SORD: variants seen among roughly 807,000 people sequenced by gnomAD.
SORD encodes sorbitol dehydrogenase, also known as (R,R)-butanediol dehydrogenase.
Under a neutral mutation model 35.6 loss-of-function variants are expected in SORD, and 18 were observed. The observed-to-expected ratio is 0.51, with a 90% confidence interval of 0.35 to 0.75. The LOEUF is 0.75. SORD is among the 30% of genes least tolerant of loss of function. The pLI is 0.01. For missense variants in SORD, 250 were observed against 390.2 expected (o/e 0.64, Z 3.03); for synonymous variants, 106 against 152.9 (o/e 0.69, Z 2.26).
chr15:45,038,994 G>A (rs1892920184), intron 1 of SORD, among the ~76,000 whole-genome samples: 1 of 152,130 alleles, frequency 6.6e-6, no homozygotes, highest in South Asian at 2.1e-4. Context: ...TCCACTCTCT[G>A]GTAGCATGAC....
At chr15:45,041,620 T>G (rs556141247) in intron 2 of SORD, 1 of 152,180 alleles carries the variant, frequency 6.6e-6, no homozygotes, top group African/African-American at 2.4e-5. Context: ...TATTGTATAG[T>G]TAGGGTTCAA....
intron 3 of SORD, among the ~76,000 whole-genome samples, chr15:45,054,113 A>C (rs1405878646): frequency 2.0e-5 from 3 of 151,894 alleles, no homozygotes. Flanking sequence ...ATACGTGTGC[A>C]TGTCTCTTTA....
At chr15:45,048,510 A>G (rs1242433377) in intron 3 of SORD, among the ~76,000 whole-genome samples, 1 of 152,118 alleles carries the variant, frequency 6.6e-6, no homozygotes, top group African/African-American at 2.4e-5. Flanking sequence ...GGGGTTTGAG[A>G]CTAGCCTGGG....
At chr15:45,061,792 A>C (rs555282822) in intron 4 of SORD, among the ~76,000 whole-genome samples, 5 of 152,048 alleles carry the variant, frequency 3.3e-5, no homozygotes, top group African/African-American at 7.2e-5. Context: ...TGGCTTGAAC[A>C]CGGGAGGTGG....
At chr15:45,057,543 G>C (rs971526632) in intron 3 of SORD, among the ~76,000 whole-genome samples, 1 of 152,230 alleles carries the variant, frequency 6.6e-6, no homozygotes, top group African/African-American at 2.4e-5. Flanking sequence ...CCAGCACTTT[G>C]GGAGGCTGAG....
In SORD at chr15:45,056,167, G is replaced by T. The variant is rs1349563240; in HGVS notation, c.266-4900G>T. ...CAATTAGGCAGGAGAAGGAAATAAA[G>T]GGTATTCAGTTAGGAAAAGAGGAAG... On this transcript the variant is annotated intron_variant, in intron 3 of 8. Coordinates refer to ENST00000267814, the MANE Select transcript of SORD (RefSeq NM_003104.6). 3.3e-5 allele frequency among the ~76,000 whole-genome samples: 5 copies of T among 151,462 alleles called. No individual in the cohort carries two copies. The South Asian group carries it at 1.0e-3, about 32-fold the overall frequency.
intron 1 of SORD, among the ~76,000 whole-genome samples, chr15:45,038,946 C>G (rs1892919511): frequency 6.6e-6 from 1 of 152,138 alleles, no homozygotes; most frequent in South Asian, 2.1e-4. Flanking sequence ...CAAATTCCAC[C>G]TTGGGGCTAC....
chr15:45,027,112 A>G (rs1270046761), intron 1 of SORD, among the ~76,000 whole-genome samples: 1 of 152,270 alleles, frequency 6.6e-6, no homozygotes, highest in Non-Finnish European at 1.5e-5. Flanking sequence ...TTTTATAGTT[A>G]GGAGAACAAA....
chr15:45,042,158 CT>C (rs947107596), intron 2 of SORD, among the ~76,000 whole-genome samples: 2 of 152,102 alleles, frequency 1.3e-5, no homozygotes, highest in African/African-American at 4.8e-5. Flanking sequence ...CTTATTGGTA[CT>C]TATTTCACCA....
At chr15:45,061,823 G>C (rs1413958085) in intron 4 of SORD, among the ~76,000 whole-genome samples, 12 of 152,012 alleles carry the variant, frequency 7.9e-5, no homozygotes, top group African/African-American at 1.4e-4. Context: ...GAGCCGAGAT[G>C]GCGCCACTGC....
In SORD at chr15:45,023,369, G is replaced by A. The variant is rs1381119108; in HGVS notation, c.66+20G>A. The A allele has an allele frequency of 6.4e-7, 1 of 1,551,832 alleles. No individual in the cohort carries two copies. The highest frequency in any genetic ancestry group is 8.7e-7 in the Non-Finnish European group (1 of 1,149,276). ...CGCCTGGTAAGCTGGGAAGGAGGGT[G>A]GGAAGCATACCGATCCTGCCTCACT... On this transcript the variant is annotated intron_variant, in intron 1 of 8. Coordinates refer to ENST00000267814, the MANE Select transcript of SORD (RefSeq NM_003104.6).
chr15:45,069,194 C>CT (rs752540495), intron 7 of SORD, 142 bp downstream of exon 7: 1,580 of 116,872 alleles, frequency 0.014, 198 homozygotes, highest in Non-Finnish European at 0.02. Context: ...TTTTCTTTTT[C>CT]TTTTTTTTTT....
At chr15:45,025,221 A>G (rs1892650886) in intron 1 of SORD, among the ~76,000 whole-genome samples, 1 of 152,204 alleles carries the variant, frequency 6.6e-6, no homozygotes, top group South Asian at 2.1e-4. Flanking sequence ...TAGCTGGGTA[A>G]AAGAGTTCAG....
chr15:45,041,567 AC>A, intron 2 of SORD: 1 of 152,336 alleles, frequency 6.6e-6, no homozygotes, highest in East Asian at 1.9e-4. Context: ...TGGTAAGAAT[AC>A]AGACTAGATA....
At chr15:45,059,806 T>C (rs1336665562) in intron 3 of SORD, among the ~76,000 whole-genome samples, 1 of 152,214 alleles carries the variant, frequency 6.6e-6, no homozygotes. Flanking sequence ...AGACAGTTAA[T>C]ACCACAACAA....
intron 4 of SORD, 115 bp downstream of exon 4, chr15:45,061,341 C>T (rs1312105705): frequency 8.7e-7 from 1 of 1,152,468 alleles, no homozygotes; most frequent in Non-Finnish European, 1.2e-6. Context: ...AAACATGAGG[C>T]ATCACCTGGA....
intron 1 of SORD, among the ~76,000 whole-genome samples, chr15:45,035,432 TGC>T (rs924196423): frequency 4.6e-5 from 7 of 151,746 alleles, no homozygotes; most frequent in Non-Finnish European, 1.0e-4. Flanking sequence ...GGTTTATGAA[TGC>T]ACCAATCCAC....
chr15:45,037,577 C>A (rs546860041), intron 1 of SORD, among the ~76,000 whole-genome samples: 15 of 152,194 alleles, frequency 9.9e-5, no homozygotes, highest in African/African-American at 3.6e-4. Flanking sequence ...TCTTTAGTTT[C>A]AATTTAACCT....
chr15:45,069,299 T>C (rs1415205104), intron 7 of SORD, among the ~76,000 whole-genome samples: 1 of 142,430 alleles, frequency 7.0e-6, no homozygotes, highest in Non-Finnish European at 1.5e-5. Flanking sequence ...CTCCGCCTCC[T>C]GGGTTCACGC....
Sources: gnomAD v4.1 joint callset for allele counts (sites outside exome capture counted in the v4.1 genomes callset) on GRCh38, gnomAD v4.1.1 for gene constraint, MANE v1.5 for transcripts, NCBI Gene and HGNC (gene_info 2026-07-23, HGNC 2026-07-21) for gene names.